SETBP1: variants seen among roughly 807,000 people sequenced by gnomAD.
SETBP1 encodes the protein SET-binding protein.
A neutral mutation model predicts 101.0 loss-of-function variants in SETBP1; 9 were observed. The observed-to-expected ratio is 0.09, with a 90% CI of 0.05 to 0.16. SETBP1 has a LOEUF of 0.16. Ranked by LOEUF, SETBP1 falls within the 10% of genes least tolerant of loss-of-function variation. SETBP1 has a pLI of 1.00. For synonymous variants in SETBP1, 818 were observed against 788.5 expected, an observed-to-expected ratio of 1.04 and a Z score of -0.63; for missense variants, 1,858 against 2,033.8, an observed-to-expected ratio of 0.91 and a Z score of 1.66.
At chr18:44,897,985 A>G (rs1334101052) in intron 3 of SETBP1, among the ~76,000 whole-genome samples, 2 of 152,214 alleles carry the variant, frequency 1.3e-5, no homozygotes, top group Non-Finnish European at 2.9e-5. Context: ...TACTGGAAGT[A>G]TCAGCTGTCC....
chr18:44,691,602 T>C (rs577792877), intron 1 of SETBP1, among the ~76,000 whole-genome samples: 1 of 152,334 alleles, frequency 6.6e-6, no homozygotes, highest in African/African-American at 2.4e-5. Context: ...ATGGATAGTA[T>C]GTCAGACCTC....
chr18:44,836,120 T>TG (rs1482491166), intron 2 of SETBP1, among the ~76,000 whole-genome samples: 1 of 3,612 alleles, frequency 2.8e-4, no homozygotes, highest in Non-Finnish European at 1.7e-3. Context: ...CTCTATAAGC[T>TG]TTTTTTTTTT....
intron 2 of SETBP1, among the ~76,000 whole-genome samples, chr18:44,807,103 T>C (rs2028653): frequency 0.35 from 52,696 of 151,962 alleles, 9,329 homozygotes; most frequent in Non-Finnish European, 0.38. Flanking sequence ...ACAGTGGGAA[T>C]CTTATATTTT....
intron 2 of SETBP1, among the ~76,000 whole-genome samples, chr18:44,754,594 G>C (rs982477616): frequency 6.6e-6 from 1 of 152,100 alleles, no homozygotes; most frequent in African/African-American, 2.4e-5. Context: ...CTGTGGTCTT[G>C]GCCTCTTAAA....
chr18:44,708,947 G>A (rs770291105), intron 2 of SETBP1, among the ~76,000 whole-genome samples: 3 of 152,154 alleles, frequency 2.0e-5, no homozygotes, highest in Non-Finnish European at 4.4e-5. Context: ...TCATCAAATT[G>A]TTTCCTTTTA....
chr18:44,695,779 G>A (rs908100632), intron 1 of SETBP1, among the ~76,000 whole-genome samples: 2 of 152,100 alleles, frequency 1.3e-5, no homozygotes, highest in African/African-American at 4.8e-5. Flanking sequence ...AAGGAGCATG[G>A]AGTTCTACTA....
chr18:44,949,977 A>G lies in SETBP1; in HGVS notation c.637A>G (p.Lys213Glu), dbSNP rs770005446. ...CACCTTAAAACCAAAGCACCAGCAA[A>G]AAAGCAGCAGCCAGAACCACATGGA... ...GDTLKPKHQQ[K>E]SSSQNHMDWS... is the part of the protein sequence containing the mutation. Residue 213 changes from lysine to glutamate, a missense_variant, in exon 4 of 6, where the codon AAA (lysine) becomes GAA (glutamate). Lys to Glu is a moderately conservative substitution (Grantham distance 56). Transcript: ENST00000649279. 6.2e-7 allele frequency: 1 copy of G among 1,614,150 alleles called. No individual in the cohort carries two copies. Among genetic ancestry groups the G allele is most frequent in the Non-Finnish European group, 8.5e-7 (1 of 1,180,028 alleles).
intron 4 of SETBP1, among the ~76,000 whole-genome samples, chr18:44,968,021 A>T (rs562517469): frequency 9.2e-5 from 14 of 152,274 alleles, no homozygotes; most frequent in African/African-American, 3.4e-4. Context: ...ATGCAGTGGA[A>T]AAAAAACATT....
chr18:44,850,610 AT>A (rs2072833867), intron 2 of SETBP1, among the ~76,000 whole-genome samples: 1 of 152,084 alleles, frequency 6.6e-6, no homozygotes, highest in Admixed American at 6.5e-5. Context: ...ACCTCAGGTG[AT>A]CTGCCTGCCT....
chr18:44,821,068 G>C (rs2072104831), intron 2 of SETBP1, among the ~76,000 whole-genome samples: 1 of 152,182 alleles, frequency 6.6e-6, no homozygotes, highest in Non-Finnish European at 1.5e-5. Flanking sequence ...ATTGACTCTG[G>C]AAACAGCATG....
intron 2 of SETBP1, among the ~76,000 whole-genome samples, chr18:44,861,037 T>A (rs1217400073): frequency 6.6e-6 from 1 of 152,036 alleles, no homozygotes; most frequent in Non-Finnish European, 1.5e-5. Flanking sequence ...TTTAAATAGA[T>A]GTTAACATGG....
At chr18:44,736,083 C>G (rs1022945471) in intron 2 of SETBP1, among the ~76,000 whole-genome samples, 1 of 152,130 alleles carries the variant, frequency 6.6e-6, no homozygotes, top group Admixed American at 6.5e-5. Context: ...AAGGGAAATG[C>G]CATATCATTA....
intron 4 of SETBP1, among the ~76,000 whole-genome samples, chr18:45,034,681 T>C (rs994545575): frequency 3.9e-5 from 6 of 152,208 alleles, no homozygotes; most frequent in African/African-American, 9.7e-5. Context: ...GTTATTTTCC[T>C]CTTTAAAAAC....
chr18:44,807,426 T>C (rs994983480), intron 2 of SETBP1, among the ~76,000 whole-genome samples: 2 of 152,186 alleles, frequency 1.3e-5, no homozygotes, highest in Non-Finnish European at 2.9e-5. Context: ...AAATTATCCA[T>C]GTGCCATTGT....
In SETBP1 at chr18:45,063,109, G is replaced by T. The variant is rs775975116; in HGVS notation, c.4202G>T (p.Arg1401Leu). 1.2e-6 allele frequency: 2 copies of T among 1,613,934 alleles called. No homozygotes were observed. Among genetic ancestry groups the T allele is most frequent in the African/African-American group, 1.3e-5 (1 of 74,980 alleles). Residue 1401 changes from arginine to leucine, a missense_variant, in exon 6 of 6, where the codon CGG becomes CTG. Physicochemically the swap from Arg to Leu is moderately radical, Grantham distance 102 (BLOSUM62 -2). Transcript: ENST00000649279. ...VGSSLKKRFKRREIEAIQCEV... is the reference protein window; with the variant it reads ...VGSSLKKRFKLREIEAIQCEV... ...TCCTCCCTGAAGAAGAGGTTCAAGC[G>T]GCGGGAGATCGAAGCCATCCAGTGC...
intron 4 of SETBP1, among the ~76,000 whole-genome samples, chr18:45,015,733 GGAGT>G (rs1378690830): frequency 2.0e-5 from 3 of 152,192 alleles, no homozygotes; most frequent in Admixed American, 1.3e-4. Context: ...AATGAGGGAG[GGAGT>G]CAGTGGCAAA....
At chr18:44,805,384 G>A (rs897196751) in intron 2 of SETBP1, among the ~76,000 whole-genome samples, 21 of 151,510 alleles carry the variant, frequency 1.4e-4, no homozygotes, top group Non-Finnish European at 1.6e-4. Context: ...ATGGCTGTGG[G>A]TCCATGTGTA....
chr18:44,814,003 GATAA>G (rs1289308191), intron 2 of SETBP1, among the ~76,000 whole-genome samples: 2 of 152,272 alleles, frequency 1.3e-5, no homozygotes, highest in African/African-American at 2.4e-5. Flanking sequence ...TGGAAATAAT[GATAA>G]ATAAAGACGA....
At chr18:44,698,535 AC>A (rs2069058619) in intron 1 of SETBP1, among the ~76,000 whole-genome samples, 2 of 152,146 alleles carry the variant, frequency 1.3e-5, no homozygotes, top group Admixed American at 1.3e-4. Context: ...CCTGCCCAGG[AC>A]GTGGCCTCAC....
Sources: gnomAD v4.1 joint callset for allele counts (sites outside exome capture counted in the v4.1 genomes callset) on GRCh38, gnomAD v4.1.1 for gene constraint, MANE v1.5 for transcripts, NCBI Gene and HGNC (gene_info 2026-07-23, HGNC 2026-07-21) for gene names.